CLDN14: variants seen among roughly 807,000 people sequenced by gnomAD.
CLDN14 encodes claudin 14.
In CLDN14, 2 loss-of-function variants were observed where a neutral mutation model predicts 2.1. The observed-to-expected ratio is 0.96, with a 90% confidence interval of 0.39 to 3.01. CLDN14 has a LOEUF of 3.01. Ranked by LOEUF, CLDN14 falls within the 30% of genes most tolerant of loss-of-function variation. The pLI, the probability that CLDN14 is intolerant of heterozygous loss-of-function variation, is 0.09. For missense variants in CLDN14, 298 were observed against 328.0 expected (o/e 0.91, Z 0.71); for synonymous variants, 136 against 154.4 (o/e 0.88, Z 0.88).
At chr21:36,488,653 CG>C (rs952329924) in intron 2 of CLDN14, among the ~76,000 whole-genome samples, 19 of 24,864 alleles carry the variant, frequency 7.6e-4, no homozygotes, top group Non-Finnish European at 1.2e-3. Context: ...GGGCTGAGGG[CG>C]GGGGGGTGGG....
At chr21:36,555,881 G>A (rs904509258) in intron 1 of CLDN14, among the ~76,000 whole-genome samples, 3 of 150,916 alleles carry the variant, frequency 2.0e-5, no homozygotes, top group Admixed American at 1.3e-4. Flanking sequence ...GTGTGTGCAC[G>A]CACAGCATAG....
intron 1 of CLDN14, among the ~76,000 whole-genome samples, chr21:36,476,154 C>T (rs2086776967): frequency 6.6e-6 from 1 of 152,172 alleles, no homozygotes; most frequent in South Asian, 2.1e-4. Flanking sequence ...CTCACCTACC[C>T]ATAAGGCTAG....
intron 1 of CLDN14, among the ~76,000 whole-genome samples, chr21:36,531,544 C>T (rs1601626159): frequency 1.3e-5 from 2 of 152,090 alleles, no homozygotes; most frequent in East Asian, 3.9e-4. Flanking sequence ...AGATTACAGG[C>T]ATGAGCCACT....
intron 1 of CLDN14, among the ~76,000 whole-genome samples, chr21:36,468,764 TTTC>T (rs1184497353): frequency 7.1e-5 from 10 of 141,054 alleles, no homozygotes; most frequent in African/African-American, 1.8e-4. Flanking sequence ...TCTTTCTTTC[TTTC>T]TTTTTTTTTT....
intron 1 of CLDN14, among the ~76,000 whole-genome samples, chr21:36,561,859 A>G (rs1251829758): frequency 6.6e-6 from 1 of 151,878 alleles, no homozygotes; most frequent in African/African-American, 2.4e-5. Flanking sequence ...TCTGGATACA[A>G]ACCTCTATGG....
In CLDN14 at chr21:36,499,303, G is replaced by A. The variant is rs1245536339; in HGVS notation, c.-82+11060C>T. Among the ~76,000 whole-genome samples the A allele has an allele frequency of 1.3e-5, 2 of 152,206 alleles. No individual in the cohort carries two copies. The highest frequency in any genetic ancestry group is 4.8e-5 in the African/African-American group (2 of 41,456). ...CTTACTCTGTCGCCCAGGCTGGAGT[G>A]CAGTGGTGTGATCTCAGCTCGCTGC... On this transcript the variant is annotated intron_variant, in intron 2 of 2. Coordinates refer to the CLDN14 transcript ENST00000342108. The surrounding 1 kb of genome is among the most constrained non-coding windows in gnomAD (Gnocchi z 4.7).
At chr21:36,546,795 T>C (rs921955008) in intron 1 of CLDN14, among the ~76,000 whole-genome samples, 3 of 152,224 alleles carry the variant, frequency 2.0e-5, no homozygotes, top group Admixed American at 6.5e-5. Flanking sequence ...TCTTCGTAAG[T>C]CTCCCAAATT....
At chr21:36,507,886 C>G (rs980305459) in intron 2 of CLDN14, among the ~76,000 whole-genome samples, 5 of 152,178 alleles carry the variant, frequency 3.3e-5, no homozygotes, top group Admixed American at 2.6e-4. Context: ...TAATTCCACC[C>G]TGCACAGTGC....
intron 1 of CLDN14, among the ~76,000 whole-genome samples, chr21:36,568,664 A>G (rs927398040): frequency 8.5e-5 from 13 of 152,180 alleles, no homozygotes; most frequent in African/African-American, 2.9e-4. Context: ...GGTTGAAGCT[A>G]CAGTGAGCCA....
intron 1 of CLDN14, among the ~76,000 whole-genome samples, chr21:36,525,830 CT>C (rs1426463077): frequency 2.0e-5 from 3 of 152,266 alleles, no homozygotes; most frequent in African/African-American, 7.2e-5. Flanking sequence ...CAACTATCTG[CT>C]GCCAACCGGT....
At chr21:36,493,912 C>T (rs2850115) in intron 2 of CLDN14, among the ~76,000 whole-genome samples, 17,566 of 152,130 alleles carry the variant, frequency 0.12, 1,226 homozygotes, top group East Asian at 0.28. Flanking sequence ...TATAGAGTGG[C>T]TGGGCACCAA....
chr21:36,566,922 A>G (rs2087677325), intron 1 of CLDN14, among the ~76,000 whole-genome samples: 1 of 152,172 alleles, frequency 6.6e-6, no homozygotes, highest in Non-Finnish European at 1.5e-5. Context: ...CATCGGGAAG[A>G]AGGAGGTGCT....
chr21:36,499,887 A>G lies in CLDN14; in HGVS notation c.-82+10476T>C, dbSNP rs2087077665. ...TTTCACAACATCAGGGGGCTGGTGG[A>G]GAAAATCGGGGGGTCTCCGGAGCAA... On this transcript the variant is annotated intron_variant, in intron 2 of 2. Transcript: ENST00000342108. The surrounding 1 kb of genome is among the most constrained non-coding windows in gnomAD (Gnocchi z 4.7). Among the ~76,000 whole-genome samples, 1 of 151,930 alleles carries G rather than the reference A, an allele frequency of 6.6e-6. No homozygotes were observed. The highest frequency in any genetic ancestry group is 2.4e-5 in the African/African-American group (1 of 41,282).
At chr21:36,485,853 C>CTT (rs371184847) in intron 2 of CLDN14, 725 of 419,848 alleles carry the variant, frequency 1.7e-3, no homozygotes, top group Non-Finnish European at 2.0e-3. Flanking sequence ...GTTCCATTTC[C>CTT]TTTTTTTTTT....
intron 1 of CLDN14, among the ~76,000 whole-genome samples, chr21:36,540,656 G>A (rs2087481550): frequency 6.6e-6 from 1 of 151,650 alleles, no homozygotes; most frequent in South Asian, 2.1e-4. Context: ...AGAGGGGAGG[G>A]AGGGACTGGG....
intron 1 of CLDN14, among the ~76,000 whole-genome samples, chr21:36,531,289 A>ATT (rs554734832): frequency 2.3e-4 from 34 of 149,896 alleles, no homozygotes; most frequent in African/African-American, 8.0e-4. Context: ...TTTGCTATAA[A>ATT]TGTTTTTTTT....
At chr21:36,532,788 C>A (rs894434922) in intron 1 of CLDN14, among the ~76,000 whole-genome samples, 1 of 152,112 alleles carries the variant, frequency 6.6e-6, no homozygotes, top group East Asian at 1.9e-4. Flanking sequence ...ATTTAAGTTA[C>A]GATCAGAAAT....
At chr21:36,506,220 T>C (rs2087131239) in intron 2 of CLDN14, among the ~76,000 whole-genome samples, 1 of 152,244 alleles carries the variant, frequency 6.6e-6, no homozygotes, top group Non-Finnish European at 1.5e-5. Flanking sequence ...GTTACTGATA[T>C]GCAAAGAGTT....
intron 1 of CLDN14, among the ~76,000 whole-genome samples, chr21:36,549,962 C>A (rs1177514169): frequency 6.6e-6 from 1 of 152,234 alleles, no homozygotes; most frequent in Non-Finnish European, 1.5e-5. Context: ...GTGATTGCAG[C>A]TGGAATGAGG....
Sources: allele counts gnomAD v4.1 joint callset (sites outside exome capture counted in the v4.1 genomes callset), GRCh38; gene constraint gnomAD v4.1.1; non-coding constraint Gnocchi (gnomAD v3.1); transcripts MANE v1.5; gene names NCBI Gene and HGNC (gene_info 2026-07-23, HGNC 2026-07-21).